ZFP2: variants seen among roughly 807,000 people sequenced by gnomAD.
The protein encoded by ZFP2 is zinc finger protein ZFP2.
ZFP2 carries 33 observed loss-of-function variants against 36.1 expected under a neutral mutation model. The ratio of observed to expected loss-of-function variants is 0.92; its 90% CI spans 0.69 to 1.22. The LOEUF is 1.22. Among genes scored for constraint, ZFP2 ranks in the 50% most tolerant of loss-of-function variants. ZFP2 has a pLI of 0.00. For missense variants in ZFP2, 522 were observed against 551.4 expected, an observed-to-expected ratio of 0.95 and a Z score of 0.53; for synonymous variants, 170 against 178.0, an observed-to-expected ratio of 0.96 and a Z score of 0.36.
intron 4 of ZFP2, among the ~76,000 whole-genome samples, chr5:178,929,782 C>A (rs867147284): frequency 1.3e-4 from 20 of 152,126 alleles, no homozygotes; most frequent in African/African-American, 4.3e-4. Context: ...TTTCAGGTAT[C>A]TTTATAGAAA....
chr5:178,928,618 G>A (rs751588600), intron 4 of ZFP2, among the ~76,000 whole-genome samples: 1 of 152,186 alleles, frequency 6.6e-6, no homozygotes, highest in Non-Finnish European at 1.5e-5. Context: ...TAGGCCTTGG[G>A]CAGATCTGCC....
intron 1 of ZFP2, among the ~76,000 whole-genome samples, chr5:178,909,211 A>C (rs185095310): frequency 3.3e-5 from 5 of 151,828 alleles, no homozygotes. Flanking sequence ...TGGCCTCTGG[A>C]ATGTGTCTAC....
chr5:178,909,493 C>T (rs1424110139), intron 1 of ZFP2, among the ~76,000 whole-genome samples: 1 of 152,266 alleles, frequency 6.6e-6, no homozygotes, highest in South Asian at 2.1e-4. Context: ...AGCATTGGCC[C>T]CCTGGTCCCA....
intron 4 of ZFP2, chr5:178,922,507 A>T: frequency 7.3e-7 from 1 of 1,373,822 alleles, no homozygotes; most frequent in Non-Finnish European, 1.0e-6. Flanking sequence ...ATGGAGTTAC[A>T]TCCATATGGG....
At chr5:178,922,784 G>A (rs1185808674) in intron 4 of ZFP2, 2 of 1,473,934 alleles carry the variant, frequency 1.4e-6, no homozygotes, top group South Asian at 1.2e-5. Context: ...AATGTGTGTG[G>A]TCAAAGCCAA....
intron 4 of ZFP2, among the ~76,000 whole-genome samples, chr5:178,919,788 C>G (rs989038076): frequency 6.6e-6 from 1 of 151,936 alleles, no homozygotes. Flanking sequence ...ATGGCGAAAC[C>G]CTTTCTCTGC....
intron 1 of ZFP2, among the ~76,000 whole-genome samples, chr5:178,911,663 G>A (rs1040453205): frequency 6.6e-6 from 1 of 152,198 alleles, no homozygotes; most frequent in South Asian, 2.1e-4. Context: ...GACTGTGAGG[G>A]AGGTTGGTGT....
chr5:178,932,166 C>G lies in ZFP2; in HGVS notation c.853C>G (p.Leu285Val). Reference sequence around the variant, plus strand: ...AAAAGCCTTTAGTAAGAGCTCAACTCTTACCCTACATCAGCGAAATCACAC... The same window carrying G: ...AAAAGCCTTTAGTAAGAGCTCAACTGTTACCCTACATCAGCGAAATCACAC... ...CGKAFSKSST[L>V]TLHQRNHTGE... Residue 285 changes from leucine (L) to valine (V), a missense_variant, in exon 5 of 5, where the codon CTT becomes GTT. Coordinates refer to ENST00000361362, the MANE Select transcript of ZFP2 (RefSeq NM_030613.4). The G allele has an allele frequency of 6.2e-7, 1 of 1,613,522 alleles. No individual in the cohort carries two copies. Among genetic ancestry groups the G allele is most frequent in the Non-Finnish European group, 8.5e-7 (1 of 1,179,542 alleles).
At chr5:178,922,342 C>G in intron 4 of ZFP2, 1 of 992,454 alleles carries the variant, frequency 1.0e-6, no homozygotes, top group South Asian at 1.3e-5. Flanking sequence ...CTTGTTTCTC[C>G]TTTCATGTAA....
At chr5:178,897,992 ACTT>A (rs970770674) in intron 1 of ZFP2, among the ~76,000 whole-genome samples, 2 of 151,952 alleles carry the variant, frequency 1.3e-5, no homozygotes, top group South Asian at 2.1e-4. Context: ...TAATTAGTGA[ACTT>A]CTTTTTTTTT....
At chr5:178,928,096 G>A (rs954241294) in intron 4 of ZFP2, among the ~76,000 whole-genome samples, 2 of 151,850 alleles carry the variant, frequency 1.3e-5, no homozygotes, top group African/African-American at 4.8e-5. Context: ...GAGGGAGGGT[G>A]CTAAACCATT....
chr5:178,911,594 C>G (rs1252758020), intron 1 of ZFP2, among the ~76,000 whole-genome samples: 2 of 152,148 alleles, frequency 1.3e-5, no homozygotes, highest in Middle Eastern at 3.2e-3. Context: ...GGCTTCCAGT[C>G]AACACTAGGC....
At chr5:178,930,307 C>CTTTT (rs1758799368) in intron 4 of ZFP2, among the ~76,000 whole-genome samples, 1 of 135,010 alleles carries the variant, frequency 7.4e-6, no homozygotes. Context: ...CTTTTTTTTT[C>CTTTT]CCTTTCCTTT....
rs984956431 is a variant in ZFP2, at chr5:178,931,219, A to T, written c.-77-18A>T. On this transcript the variant is annotated intron_variant, in intron 4 of 4. Transcript: ENST00000361362. ...AGCACAGAAACCAATGTGCATTTGA[A>T]TTTTTTTTTTTTTTCAGACTGGGAG... 118 of 1,345,360 alleles carry T rather than the reference A, an allele frequency of 8.8e-5. No homozygotes were observed. The highest frequency in any genetic ancestry group is 1.1e-4 in the Non-Finnish European group (112 of 1,009,954). 83.3% of individuals were successfully genotyped at this position (1,345,360 alleles called of 1,614,324 possible). A position where few individuals can be genotyped will look rare whatever the true frequency, so the allele number is the denominator to read the frequency against.
chr5:178,925,036 T>G (rs1436244873), intron 4 of ZFP2, among the ~76,000 whole-genome samples: 1 of 146,600 alleles, frequency 6.8e-6, no homozygotes, highest in African/African-American at 2.5e-5. Context: ...CTTTATACTA[T>G]TGCCATTTAT....
chr5:178,917,024 A>G (rs568098605), intron 4 of ZFP2, among the ~76,000 whole-genome samples: 1 of 152,236 alleles, frequency 6.6e-6, no homozygotes, highest in African/African-American at 2.4e-5. Context: ...GCAAATCCAG[A>G]AGTGCTGTCC....
chr5:178,912,703 G>A lies in ZFP2; in HGVS notation c.-330G>A. ...GGGAGGTGATGCTGGAGAACTACAG[G>A]AACCCGGTCTCACTGGGTAAGGACT... is the stretch of plus-strand genomic sequence containing the variant. On this transcript the variant is annotated 5_prime_UTR_variant, in exon 2 of 5. Coordinates refer to ENST00000361362, the MANE Select transcript of ZFP2 (RefSeq NM_030613.4). 9.4e-7 allele frequency: 1 copy of A among 1,064,152 alleles called. No individual in the cohort carries two copies. Among genetic ancestry groups the A allele is most frequent in the Non-Finnish European group, 1.2e-6 (1 of 863,788 alleles). The allele number at this position is 1,064,152 out of a possible 1,614,324, so 65.9% of individuals were successfully genotyped here. A position where few individuals can be genotyped will look rare whatever the true frequency, so the allele number is the denominator to read the frequency against.
At chr5:178,898,111 C>T (rs1038364663) in intron 1 of ZFP2, among the ~76,000 whole-genome samples, 7 of 152,126 alleles carry the variant, frequency 4.6e-5, no homozygotes, top group African/African-American at 1.7e-4. Flanking sequence ...GCCTCAGACT[C>T]CTGAGTGGCT....
intron 1 of ZFP2, among the ~76,000 whole-genome samples, chr5:178,911,388 C>T (rs910620916): frequency 6.6e-6 from 1 of 152,044 alleles, no homozygotes; most frequent in African/African-American, 2.4e-5. Context: ...GGATTTTTTC[C>T]AATAAAAATT....
Sources: gnomAD v4.1 joint callset for allele counts (sites outside exome capture counted in the v4.1 genomes callset) on GRCh38, gnomAD v4.1.1 for gene constraint, MANE v1.5 for transcripts, NCBI Gene and HGNC (gene_info 2026-07-23, HGNC 2026-07-21) for gene names.